MAN2A1: variants seen among roughly 807,000 people sequenced by gnomAD.
MAN2A1 encodes the protein alpha-mannosidase 2.
MAN2A1 carries 76 observed loss-of-function variants against 142.6 expected under a neutral mutation model. That is an observed-to-expected ratio of 0.53 (90% confidence interval 0.44 to 0.65). MAN2A1 has a LOEUF of 0.65. Among genes scored for constraint, MAN2A1 ranks in the 30% least tolerant of loss-of-function variants. The pLI is 0.00. For synonymous variants in MAN2A1, 559 were observed against 473.2 expected (o/e 1.18, Z -2.35); for missense variants, 1,311 against 1,365.1 (o/e 0.96, Z 0.62).
At chr5:109,849,644 C>T (rs1755430930) in intron 19 of MAN2A1, among the ~76,000 whole-genome samples, 1 of 152,128 alleles carries the variant, frequency 6.6e-6, no homozygotes, top group Non-Finnish European at 1.5e-5. Flanking sequence ...CTAGCCTATA[C>T]ACATCCACCC....
intron 12 of MAN2A1, among the ~76,000 whole-genome samples, chr5:109,796,827 T>C (rs1053418267): frequency 3.9e-5 from 6 of 152,170 alleles, no homozygotes; most frequent in African/African-American, 1.4e-4. Flanking sequence ...TCACCCACTC[T>C]TTTTCTCCAT....
chr5:109,752,830 G>A (rs1296463650), intron 4 of MAN2A1, among the ~76,000 whole-genome samples: 1 of 152,186 alleles, frequency 6.6e-6, no homozygotes, highest in Non-Finnish European at 1.5e-5. Flanking sequence ...GATGAAAGTA[G>A]CATCCCAGGC....
chr5:109,774,797 G>A lies in MAN2A1; in HGVS notation c.1206G>A (p.Met402Ile), dbSNP rs1282318770. The part of the protein sequence containing the change: ...HPGNVQSRAR[M>I]LLDQYRKKSK... ...TTTGTTTTTTTTGTAGGGCTCGGATGCTACTAGATCAGTACCGAAAGAAGT... is the reference window on the plus strand; with the variant it reads ...TTTGTTTTTTTTGTAGGGCTCGGATACTACTAGATCAGTACCGAAAGAAGT... Residue 402 changes from methionine (M) to isoleucine (I), a missense_variant, in exon 8 of 22, where the codon ATG becomes ATA. Transcript: ENST00000261483. 1 of 1,602,334 alleles carries A rather than the reference G, an allele frequency of 6.2e-7. No individual in the cohort carries two copies. Among genetic ancestry groups the A allele is most frequent in the Non-Finnish European group, 8.5e-7 (1 of 1,176,536 alleles).
At chr5:109,788,177 A>G (rs961663) in intron 10 of MAN2A1, among the ~76,000 whole-genome samples, 2 of 150,432 alleles carry the variant, frequency 1.3e-5, no homozygotes, top group African/African-American at 4.9e-5. Flanking sequence ...TTGCCTATGG[A>G]TGCCTGGTCT....
intron 4 of MAN2A1, among the ~76,000 whole-genome samples, chr5:109,742,420 T>TATA (rs200571611): frequency 0.019 from 2,818 of 152,304 alleles, 34 homozygotes; most frequent in Middle Eastern, 0.071. Context: ...AACTCTTTAT[T>TATA]TATATAATCT....
chr5:109,756,001 T>A (rs1052674333), intron 5 of MAN2A1, among the ~76,000 whole-genome samples: 11 of 151,986 alleles, frequency 7.2e-5, no homozygotes, highest in African/African-American at 2.4e-4. Flanking sequence ...GGAATTCTCT[T>A]TAATACTTTA....
At chr5:109,715,780 A>G (rs980403759) in intron 2 of MAN2A1, among the ~76,000 whole-genome samples, 1 of 152,194 alleles carries the variant, frequency 6.6e-6, no homozygotes, top group African/African-American at 2.4e-5. Flanking sequence ...GTCATAATCA[A>G]ATTTCATCAG....
intron 8 of MAN2A1, among the ~76,000 whole-genome samples, chr5:109,775,898 T>G (rs904595449): frequency 6.6e-6 from 1 of 152,132 alleles, no homozygotes; most frequent in Admixed American, 6.6e-5. Context: ...TTGATCAAGT[T>G]TTTAATTACA....
intron 3 of MAN2A1, among the ~76,000 whole-genome samples, chr5:109,721,372 T>A (rs1751598385): frequency 6.6e-6 from 1 of 152,220 alleles, no homozygotes. Context: ...AATAGGGTTG[T>A]CAGATTTAGC....
intron 3 of MAN2A1, among the ~76,000 whole-genome samples, chr5:109,722,246 C>T (rs753995615): frequency 2.0e-5 from 3 of 152,166 alleles, no homozygotes; most frequent in Non-Finnish European, 4.4e-5. Flanking sequence ...GTGGACATCT[C>T]ACTGCACTAT....
At chr5:109,794,687 T>G (rs1467438567) in intron 12 of MAN2A1, among the ~76,000 whole-genome samples, 2 of 152,264 alleles carry the variant, frequency 1.3e-5, no homozygotes, top group East Asian at 3.9e-4. Context: ...ACATAAAAAC[T>G]AAGCTATTCT....
At chr5:109,735,878 G>GTTTTTTTTT (rs35796131) in intron 4 of MAN2A1, among the ~76,000 whole-genome samples, 2 of 98,404 alleles carry the variant, frequency 2.0e-5, no homozygotes, top group Admixed American at 1.2e-4. Context: ...TTCCATTGGA[G>GTTTTTTTTT]TTTTTTTTTT....
At chr5:109,805,857 G>A (rs1369993740) in intron 12 of MAN2A1, among the ~76,000 whole-genome samples, 1 of 152,164 alleles carries the variant, frequency 6.6e-6, no homozygotes, top group African/African-American at 2.4e-5. Context: ...TCCAGTAACT[G>A]GGACATAAGA....
rs1753025790 is a variant in MAN2A1, at chr5:109,767,532, C to G, written c.836-3C>G. 6.2e-7 allele frequency: 1 copy of G among 1,609,218 alleles called. No individual in the cohort carries two copies. Among genetic ancestry groups the G allele is most frequent in the Non-Finnish European group, 8.5e-7 (1 of 1,178,328 alleles). On this transcript the variant is annotated splice_region_variant and splice_polypyrimidine_tract_variant and intron_variant, in intron 5 of 21. Coordinates refer to ENST00000261483, the MANE Select transcript of MAN2A1 (RefSeq NM_002372.4). Reference sequence around the variant, plus strand: ...AATTAACACTTATCATCTTTATCCACAGGAGTGAAACCTCGGTCCGGCTGG... The same window carrying G: ...AATTAACACTTATCATCTTTATCCAGAGGAGTGAAACCTCGGTCCGGCTGG...
intron 16 of MAN2A1, chr5:109,840,351 G>A: frequency 5.7e-6 from 2 of 352,402 alleles, no homozygotes; most frequent in South Asian, 2.6e-5. Context: ...TTTGGAAAAG[G>A]GAGTATTTCT....
intron 4 of MAN2A1, among the ~76,000 whole-genome samples, chr5:109,738,809 A>T (rs1218111178): frequency 6.6e-6 from 1 of 151,968 alleles, no homozygotes; most frequent in Non-Finnish European, 1.5e-5. Context: ...TGTAATTTTT[A>T]ATGCTGAAGT....
chr5:109,798,234 G>A (rs1753914991), intron 12 of MAN2A1, among the ~76,000 whole-genome samples: 1 of 152,178 alleles, frequency 6.6e-6, no homozygotes, highest in African/African-American at 2.4e-5. Context: ...GAGCATATAG[G>A]AGATCCTAAA....
chr5:109,737,348 C>G (rs919765564), intron 4 of MAN2A1, among the ~76,000 whole-genome samples: 3 of 152,156 alleles, frequency 2.0e-5, no homozygotes, highest in South Asian at 2.1e-4. Flanking sequence ...TGGTCTTGAA[C>G]TCTTGAACAC....
rs534840068 is a variant in MAN2A1, at chr5:109,724,386, C to T, written c.536-4956C>T. The stretch of plus-strand genomic sequence containing the variant: ...AAACCTCAACATCATGCAATATACC[C>T]GTGGAACAAACCTGCAAATATACCT... On this transcript the variant is annotated intron_variant, in intron 3 of 21. Coordinates refer to ENST00000261483, the MANE Select transcript of MAN2A1 (RefSeq NM_002372.4). Among the ~76,000 whole-genome samples the T allele has an allele frequency of 5.3e-5, 8 of 151,860 alleles. No individual in the cohort carries two copies. In the South Asian group the frequency reaches 6.2e-4, roughly 12 times the overall value.
Sources: allele counts gnomAD v4.1 joint callset (sites outside exome capture counted in the v4.1 genomes callset), GRCh38; gene constraint gnomAD v4.1.1; transcripts MANE v1.5; gene names NCBI Gene and HGNC (gene_info 2026-07-23, HGNC 2026-07-21).